Variants in NIBAN2 observed in about 807,000 individuals in gnomAD.
NIBAN2 encodes niban apoptosis regulator 2.
A neutral mutation model predicts 81.8 loss-of-function variants in NIBAN2; 36 were observed. That is an observed-to-expected ratio of 0.44 (90% confidence interval 0.34 to 0.58). The LOEUF (loss-of-function observed/expected upper bound fraction) is 0.58, where lower values mean the gene tolerates loss of function less well. NIBAN2 is among the 20% of genes least tolerant of loss of function. NIBAN2 has a pLI of 0.02. For missense variants in NIBAN2, 897 were observed against 1,014.1 expected (o/e 0.88, Z 1.57); for synonymous variants, 445 against 441.6 (o/e 1.01, Z -0.10).
chr9:127,530,768 G>C (rs925992342), intron 2 of NIBAN2, among the ~76,000 whole-genome samples: 1 of 152,202 alleles, frequency 6.6e-6, no homozygotes, highest in Non-Finnish European at 1.5e-5. Context: ...CCTTGAATTG[G>C]AGACTATCCA....
At chr9:127,524,632 T>C (rs541946837) in intron 4 of NIBAN2, among the ~76,000 whole-genome samples, 1 of 152,254 alleles carries the variant, frequency 6.6e-6, no homozygotes, top group South Asian at 2.1e-4. Flanking sequence ...AGGCCCTCCA[T>C]CACCACAGAA....
chr9:127,565,751 C>G (rs959073638), intron 1 of NIBAN2, among the ~76,000 whole-genome samples: 4 of 144,604 alleles, frequency 2.8e-5, no homozygotes, highest in Non-Finnish European at 4.5e-5. Context: ...CCACTGGACT[C>G]CAGCCTGGGA....
intron 1 of NIBAN2, among the ~76,000 whole-genome samples, chr9:127,546,951 C>CA (rs11444574): frequency 0.22 from 33,179 of 150,674 alleles, 4,160 homozygotes; most frequent in East Asian, 0.54. Context: ...AGCTGAGACA[C>CA]AAAGAGTCCC....
chr9:127,527,527 G>A lies in NIBAN2; in HGVS notation c.187-205C>T, dbSNP rs372869971. On this transcript the variant is annotated intron_variant, in intron 2 of 13. Transcript: ENST00000373312. The stretch of plus-strand genomic sequence containing the variant: ...CAGAGGAGGAGCGAGACTCGGAGCC[G>A]TGGAGGGGCTCACCCAGCATCCAGG... Among the ~76,000 whole-genome samples the A allele has an allele frequency of 1.5e-3, 226 of 152,340 alleles. 2 individuals carry two copies. Among genetic ancestry groups the A allele is most frequent in the African/African-American group, 4.9e-3 (204 of 41,588 alleles).
chr9:127,546,430 C>T (rs1837473488), intron 1 of NIBAN2, among the ~76,000 whole-genome samples: 2 of 152,326 alleles, frequency 1.3e-5, no homozygotes, highest in African/African-American at 4.8e-5. Context: ...CCCCACGGGC[C>T]TGGACACCTG....
At chr9:127,576,498 A>G (rs746847111) in intron 1 of NIBAN2, among the ~76,000 whole-genome samples, 1 of 152,116 alleles carries the variant, frequency 6.6e-6, no homozygotes, top group Non-Finnish European at 1.5e-5. Context: ...GCGCCCGTTC[A>G]TTGCAGGCTC....
chr9:127,544,628 C>G (rs758409087), intron 1 of NIBAN2, among the ~76,000 whole-genome samples: 56 of 152,276 alleles, frequency 3.7e-4, no homozygotes, highest in Non-Finnish European at 6.6e-4. Context: ...CTCAGCCTCC[C>G]AAGCAGCTGG....
chr9:127,520,821 T>C (rs1588158637), intron 5 of NIBAN2, among the ~76,000 whole-genome samples: 2 of 151,788 alleles, frequency 1.3e-5, no homozygotes, highest in Non-Finnish European at 2.9e-5. Flanking sequence ...GAGGCGGAGG[T>C]TGCAGTGAGC....
intron 1 of NIBAN2, among the ~76,000 whole-genome samples, chr9:127,562,282 T>C (rs1019173205): frequency 1.3e-5 from 2 of 152,154 alleles, no homozygotes; most frequent in Non-Finnish European, 2.9e-5. Context: ...ACGGATGACA[T>C]ACTAATAGCA....
chr9:127,511,049 T>C (rs1588152017), intron 8 of NIBAN2, among the ~76,000 whole-genome samples: 1 of 151,876 alleles, frequency 6.6e-6, no homozygotes, highest in African/African-American at 2.4e-5. Context: ...ATATTATTAT[T>C]GTTATTAATT....
At position 127,523,205 on chromosome 9, in the gene NIBAN2, A is replaced by AT. The variant is rs1345191290; in HGVS notation, c.589+473dup. ...AAAAAAAAAAAAAATATATATATATATATATATATATATATATATATATAT... is the reference window on the plus strand; with the variant it reads ...AAAAAAAAAAAAAATATATATATATATTATATATATATATATATATATATAT... On this transcript the variant is annotated intron_variant, in intron 5 of 13. Coordinates refer to ENST00000373312, the MANE Select transcript of NIBAN2 (RefSeq NM_022833.4). Among the ~76,000 whole-genome samples the AT allele has an allele frequency of 2.2e-3, 26 of 11,762 alleles. 7 individuals are homozygous for AT. The highest frequency in any genetic ancestry group is 4.1e-3 in the Non-Finnish European group (26 of 6,282). 7.7% of individuals were successfully genotyped at this position (11,762 alleles called of 152,430 possible).
intron 1 of NIBAN2, chr9:127,561,161 C>T (rs1291032553): frequency 6.1e-6 from 6 of 985,572 alleles, no homozygotes; most frequent in Non-Finnish European, 7.2e-6. Flanking sequence ...GCTGGAACCA[C>T]AGCCCCATCC....
intron 1 of NIBAN2, among the ~76,000 whole-genome samples, chr9:127,535,509 G>A (rs985788183): frequency 3.9e-5 from 6 of 152,158 alleles, no homozygotes; most frequent in African/African-American, 1.2e-4. Context: ...ACATGGGAGT[G>A]CAGGGACCCC....
intron 8 of NIBAN2, among the ~76,000 whole-genome samples, chr9:127,516,161 G>A (rs569044388): frequency 5.9e-5 from 9 of 152,114 alleles, no homozygotes; most frequent in Admixed American, 4.6e-4. Context: ...TAAAAAGAAC[G>A]TCCCATGGGC....
chr9:127,517,735 A>G lies in NIBAN2; in HGVS notation c.705+91T>C. The G allele has an allele frequency of 2.2e-6, 2 of 916,034 alleles. No individual in the cohort carries two copies. The highest frequency in any genetic ancestry group is 1.7e-6 in the Non-Finnish European group (1 of 575,450). 56.7% of individuals were successfully genotyped at this position (916,034 alleles called of 1,614,324 possible). On this transcript the variant is annotated intron_variant, in intron 6 of 13. Coordinates refer to ENST00000373312, the MANE Select transcript of NIBAN2 (RefSeq NM_022833.4). The surrounding 1 kb of genome is among the most constrained non-coding windows in gnomAD (Gnocchi z 4.0). ...TCTCCTTCCAAACCGGCAGCGCCCC[A>G]GAGCCCCATCTCTGTACCCCACCCC...
chr9:127,568,706 C>G (rs1588194119), intron 1 of NIBAN2, 114 bp downstream of exon 1: 1 of 968,932 alleles, frequency 1.0e-6, no homozygotes, highest in African/African-American at 1.7e-5. Context: ...TCCCACCGGC[C>G]CGGCCTGACT....
chr9:127,523,586 C>A, intron 5 of NIBAN2, 93 bp downstream of exon 5: 1 of 1,334,996 alleles, frequency 7.5e-7, no homozygotes, highest in South Asian at 1.3e-5. Flanking sequence ...AGCAGGGTTG[C>A]CACACCATAG....
chr9:127,543,725 C>T (rs1483030230), intron 1 of NIBAN2, among the ~76,000 whole-genome samples: 7 of 152,180 alleles, frequency 4.6e-5, no homozygotes, highest in Non-Finnish European at 8.8e-5. Context: ...CTGGCTGGAC[C>T]GCCCTTCCCT....
intron 5 of NIBAN2, among the ~76,000 whole-genome samples, chr9:127,520,158 A>AC (rs1206258038): frequency 2.8e-5 from 4 of 141,640 alleles, no homozygotes; most frequent in African/African-American, 1.1e-4. Flanking sequence ...GTGTCTCCAC[A>AC]CCCCCCAAAT....
Sources: allele counts gnomAD v4.1 joint callset (sites outside exome capture counted in the v4.1 genomes callset), GRCh38; gene constraint gnomAD v4.1.1; non-coding constraint Gnocchi (gnomAD v3.1); transcripts MANE v1.5; gene names NCBI Gene and HGNC (gene_info 2026-07-23, HGNC 2026-07-21).